Variants in DIP2B observed in about 807,000 individuals in gnomAD.
DIP2B encodes the protein disco-interacting protein 2 homolog B.
Under a neutral mutation model 198.0 loss-of-function variants are expected in DIP2B, and 76 were observed. The observed-to-expected ratio is 0.38, with a 90% CI of 0.32 to 0.46. The LOEUF is 0.46. DIP2B is among the 20% of genes least tolerant of loss of function. The probability of loss-of-function intolerance (pLI) is 0.99; values close to 1 mark genes in which losing one functional copy is unlikely to be tolerated. For missense variants in DIP2B, 1,559 were observed against 1,978.4 expected, an observed-to-expected ratio of 0.79 and a Z score of 4.02; for synonymous variants, 701 against 739.1, an observed-to-expected ratio of 0.95 and a Z score of 0.84.
intron 1 of DIP2B, among the ~76,000 whole-genome samples, chr12:50,508,294 G>A (rs10876042): frequency 0.24 from 37,229 of 152,168 alleles, 5,342 homozygotes; most frequent in East Asian, 0.37. Flanking sequence ...TTCTGTGACT[G>A]AAATTTTTAA....
intron 1 of DIP2B, among the ~76,000 whole-genome samples, chr12:50,548,637 T>C (rs1465464675): frequency 6.6e-6 from 1 of 152,240 alleles, no homozygotes; most frequent in Admixed American, 6.5e-5. Context: ...GGGATTCTCC[T>C]GCCTCAGCCT....
chr12:50,631,932 C>T (rs1437195369), intron 2 of DIP2B, among the ~76,000 whole-genome samples: 2 of 151,336 alleles, frequency 1.3e-5, no homozygotes, highest in Non-Finnish European at 1.5e-5. Context: ...AGAGATTACC[C>T]TTTGGCATAT....
chr12:50,663,396 A>G (rs964699969), intron 4 of DIP2B, among the ~76,000 whole-genome samples: 1 of 151,470 alleles, frequency 6.6e-6, no homozygotes, highest in African/African-American at 2.4e-5. Flanking sequence ...TCTCTACTAA[A>G]AATACAAAAA....
At chr12:50,589,352 G>T (rs940883336) in intron 1 of DIP2B, among the ~76,000 whole-genome samples, 1 of 149,906 alleles carries the variant, frequency 6.7e-6, no homozygotes, top group Non-Finnish European at 1.5e-5. Flanking sequence ...ACGCCACCAC[G>T]CCCAGCTAAT....
chr12:50,601,884 C>T (rs1250744607), intron 1 of DIP2B, among the ~76,000 whole-genome samples: 1 of 152,246 alleles, frequency 6.6e-6, no homozygotes, highest in Admixed American at 6.5e-5. Flanking sequence ...GAGTTTGGTG[C>T]TAGGCACCAT....
rs11306905 is a variant in DIP2B at position 50,697,533 on chromosome 12, C to CTTTTTTTT, written c.2048+378_2048+385dup. On this transcript the variant is annotated intron_variant, in intron 17 of 37. Coordinates refer to ENST00000301180, the MANE Select transcript of DIP2B (RefSeq NM_173602.3). ...ATGTGTGTGTGTGTATATAGATATA[C>CTTTTTTTT]TTTTTTTTTTTTTTTTTTTTTTTTT... Among the ~76,000 whole-genome samples, 13 of 45,960 alleles carry CTTTTTTTT rather than the reference C, an allele frequency of 2.8e-4. 4 individuals carry two copies. The highest frequency in any genetic ancestry group is 3.0e-4 in the African/African-American group (3 of 10,116). The allele number at this position is 45,960 out of a possible 152,430, so 30.2% of individuals were successfully genotyped here. A position where few individuals can be genotyped will look rare whatever the true frequency, so the allele number is the denominator to read the frequency against.
intron 21 of DIP2B, among the ~76,000 whole-genome samples, chr12:50,707,244 C>A (rs542505269): frequency 6.6e-6 from 1 of 152,180 alleles, no homozygotes; most frequent in South Asian, 2.1e-4. Flanking sequence ...AGATGTGTCT[C>A]TTTAAGGCAA....
chr12:50,612,274 C>T (rs1021637112), intron 1 of DIP2B, among the ~76,000 whole-genome samples: 1 of 152,058 alleles, frequency 6.6e-6, no homozygotes, highest in Non-Finnish European at 1.5e-5. Context: ...GGGAAATAGG[C>T]AAGGAGAATT....
chr12:50,731,281 A>G (rs1174070830), intron 30 of DIP2B, 88 bp from the exon 31 acceptor site: 1 of 1,490,712 alleles, frequency 6.7e-7, no homozygotes, highest in Non-Finnish European at 9.1e-7. Flanking sequence ...CTTTACACTC[A>G]GTAAATATCT....
In DIP2B at chr12:50,623,423, ACACACACACACACACT is replaced by A. The variant is rs1259170159; in HGVS notation, c.101-2551_101-2536del. Among the ~76,000 whole-genome samples, 924 of 112,464 alleles carry A rather than the reference ACACACACACACACACT, an allele frequency of 8.2e-3. 2 individuals are homozygous for A. The highest frequency in any genetic ancestry group is 0.02 in the African/African-American group (537 of 26,854). 73.8% of individuals were successfully genotyped at this position (112,464 alleles called of 152,430 possible). A position where few individuals can be genotyped will look rare whatever the true frequency, so the allele number is the denominator to read the frequency against. On this transcript the variant is annotated intron_variant, in intron 1 of 37. Transcript: ENST00000301180. ...CACACACACACACACACACACACAC[ACACACACACACACACT>A]CTCTCTCTCTCTCTCTCTCTCTCTC...
intron 4 of DIP2B, among the ~76,000 whole-genome samples, chr12:50,663,819 G>A (rs575631837): frequency 2.1e-5 from 3 of 143,946 alleles, no homozygotes; most frequent in South Asian, 4.4e-4. Flanking sequence ...GCAGTGAGCC[G>A]AGATCAATCA....
chr12:50,643,427 G>A (rs1331109746), intron 3 of DIP2B, among the ~76,000 whole-genome samples: 3 of 150,942 alleles, frequency 2.0e-5, no homozygotes, highest in Non-Finnish European at 4.4e-5. Context: ...GTGTGTGTGT[G>A]TGTGTGTGTG....
At chr12:50,565,987 T>A (rs1958560269) in intron 1 of DIP2B, among the ~76,000 whole-genome samples, 1 of 152,048 alleles carries the variant, frequency 6.6e-6, no homozygotes. Flanking sequence ...TTTAGAAAAA[T>A]TTTAGTTTTA....
intron 1 of DIP2B, among the ~76,000 whole-genome samples, chr12:50,507,659 G>A (rs1328529649): frequency 2.0e-5 from 3 of 152,112 alleles, no homozygotes; most frequent in African/African-American, 7.2e-5. Flanking sequence ...AGCCTCCCCA[G>A]TAGCTGGGAT....
intron 1 of DIP2B, among the ~76,000 whole-genome samples, chr12:50,531,429 C>G (rs1958216134): frequency 6.6e-6 from 1 of 152,068 alleles, no homozygotes; most frequent in Non-Finnish European, 1.5e-5. Context: ...AAAAAAAGAA[C>G]CTGGAAAAGA....
At chr12:50,568,800 T>C (rs997482364) in intron 1 of DIP2B, among the ~76,000 whole-genome samples, 2 of 152,242 alleles carry the variant, frequency 1.3e-5, no homozygotes, top group Non-Finnish European at 2.9e-5. Flanking sequence ...GCATCATTTT[T>C]TAAAACCATA....
intron 37 of DIP2B, 113 bp downstream of exon 37, chr12:50,741,652 T>C (rs1940246465): frequency 7.4e-6 from 10 of 1,360,362 alleles, no homozygotes; most frequent in South Asian, 7.0e-5. Flanking sequence ...TAGAGCTCCA[T>C]GGGAGGAGTA....
intron 5 of DIP2B, among the ~76,000 whole-genome samples, chr12:50,673,937 G>A (rs532911366): frequency 2.7e-4 from 41 of 152,196 alleles, no homozygotes; most frequent in African/African-American, 8.2e-4. Flanking sequence ...TGTATAATCC[G>A]TAGGTAAAAG....
intron 3 of DIP2B, among the ~76,000 whole-genome samples, chr12:50,652,946 T>G (rs978063267): frequency 4.7e-5 from 3 of 64,460 alleles, no homozygotes; most frequent in Non-Finnish European, 1.1e-4. Context: ...AACACAACTG[T>G]TTTTTTTTTT....
Sources: gnomAD v4.1 joint callset for allele counts (sites outside exome capture counted in the v4.1 genomes callset) on GRCh38, gnomAD v4.1.1 for gene constraint, MANE v1.5 for transcripts, NCBI Gene and HGNC (gene_info 2026-07-23, HGNC 2026-07-21) for gene names.